MSR1: variants seen among roughly 807,000 people sequenced by gnomAD.
MSR1 encodes the protein macrophage scavenger receptor 1, also known as macrophage scavenger receptor types I and II.
In MSR1, 53 loss-of-function variants were observed where a neutral mutation model predicts 47.2. The ratio of observed to expected loss-of-function variants is 1.12; its 90% CI spans 0.90 to 1.41. The LOEUF (loss-of-function observed/expected upper bound fraction) is 1.41. Ranked by LOEUF, MSR1 falls within the 40% of genes most tolerant of loss-of-function variation. The pLI is 0.00. For missense variants in MSR1, 786 were observed against 546.9 expected, an observed-to-expected ratio of 1.44 and a Z score of -4.36; for synonymous variants, 239 against 185.6, an observed-to-expected ratio of 1.29 and a Z score of -2.34.
chr8:16,123,222 TA>T (rs1800046928), intron 8 of MSR1, among the ~76,000 whole-genome samples: 1 of 152,148 alleles, frequency 6.6e-6, no homozygotes, highest in Admixed American at 6.6e-5. Flanking sequence ...TTTTCAGTTA[TA>T]AATAAACTAT....
rs1005723604 is a variant in MSR1, at chr8:16,108,391, C to T, written c.*1694G>A. On this transcript the variant is annotated 3_prime_UTR_variant, in exon 10 of 10. Coordinates refer to ENST00000262101, the MANE Select transcript of MSR1 (RefSeq NM_138715.3). ...CTGATTTCAGACATCCCATGCATACCACTTACGCATAAGTAGTAAATCAGC... is the reference window on the plus strand; with the variant it reads ...CTGATTTCAGACATCCCATGCATACTACTTACGCATAAGTAGTAAATCAGC... The T allele has an allele frequency of 1.9e-4, 29 of 150,562 alleles. No individual in the cohort carries two copies. Among genetic ancestry groups the T allele is most frequent in the Non-Finnish European group, 1.3e-4 (9 of 67,686 alleles). The allele number at this position is 150,562 out of a possible 1,614,324, so 9.3% of individuals were successfully genotyped here. A position where few individuals can be genotyped will look rare whatever the true frequency, so the allele number is the denominator to read the frequency against.
At chr8:16,112,356 G>C (rs351545) in intron 9 of MSR1, among the ~76,000 whole-genome samples, 6,303 of 152,154 alleles carry the variant, frequency 0.041, 425 homozygotes, top group African/African-American at 0.14. Context: ...GACTGAGAAA[G>C]GGTGTATGAC....
intron 5 of MSR1, among the ~76,000 whole-genome samples, chr8:16,159,586 C>T (rs1435905075): frequency 6.6e-6 from 1 of 151,924 alleles, no homozygotes; most frequent in Non-Finnish European, 1.5e-5. Flanking sequence ...TCATTAATTT[C>T]TAAAATATGG....
At chr8:16,131,139 C>G (rs1425513821) in intron 8 of MSR1, among the ~76,000 whole-genome samples, 1 of 152,134 alleles carries the variant, frequency 6.6e-6, no homozygotes, top group Non-Finnish European at 1.5e-5. Flanking sequence ...CTCGTCACCA[C>G]AGCATCTGTA....
chr8:16,192,146 C>T (rs966633007), intron 1 of MSR1, among the ~76,000 whole-genome samples: 1 of 151,862 alleles, frequency 6.6e-6, no homozygotes, highest in African/African-American at 2.4e-5. Context: ...AGATACCCAG[C>T]CAATATTTGC....
chr8:16,129,835 C>T (rs1420190706), intron 8 of MSR1, among the ~76,000 whole-genome samples: 2 of 152,146 alleles, frequency 1.3e-5, no homozygotes, highest in African/African-American at 4.8e-5. Context: ...GGCTGTGAGC[C>T]CATACAAGTC....
intron 8 of MSR1, among the ~76,000 whole-genome samples, chr8:16,123,113 G>A (rs975661232): frequency 6.6e-6 from 1 of 152,040 alleles, no homozygotes; most frequent in African/African-American, 2.4e-5. Flanking sequence ...CCAAAGTGCT[G>A]GGATTACAGG....
intron 1 of MSR1, 126 bp downstream of exon 1, chr8:16,192,472 T>TAC (rs1802226138): frequency 6.6e-6 from 1 of 151,992 alleles, no homozygotes; most frequent in Non-Finnish European, 1.5e-5. Context: ...CATCTCATCA[T>TAC]ACACACACAG....
chr8:16,129,222 G>T (rs185376628), intron 8 of MSR1, among the ~76,000 whole-genome samples: 1 of 152,088 alleles, frequency 6.6e-6, no homozygotes, highest in Non-Finnish European at 1.5e-5. Context: ...GGGTCATTTT[G>T]CTAAATAATT....
At chr8:16,120,072 A>AT (rs1357894829) in intron 9 of MSR1, among the ~76,000 whole-genome samples, 2 of 151,462 alleles carry the variant, frequency 1.3e-5, no homozygotes, top group East Asian at 1.9e-4. Flanking sequence ...CCTACATTTC[A>AT]TTTTTTTAAA....
intron 6 of MSR1, 44 bp downstream of exon 6, chr8:16,155,020 A>G (rs1169175181): frequency 6.7e-7 from 1 of 1,491,462 alleles, no homozygotes; most frequent in African/African-American, 1.4e-5. Flanking sequence ...GATGTATATC[A>G]TCTATCTTCA....
At chr8:16,163,348 C>A (rs1210441279) in intron 5 of MSR1, among the ~76,000 whole-genome samples, 1 of 151,088 alleles carries the variant, frequency 6.6e-6, no homozygotes, top group South Asian at 2.1e-4. Flanking sequence ...AAGAGACTAA[C>A]CTAAAACAAA....
At chr8:16,112,306 A>G (rs746583890) in intron 9 of MSR1, among the ~76,000 whole-genome samples, 1 of 152,166 alleles carries the variant, frequency 6.6e-6, no homozygotes, top group African/African-American at 2.4e-5. Context: ...ACCTTGTTAA[A>G]TAATGATAAT....
intron 8 of MSR1, chr8:16,120,905 T>C (rs1483539697): frequency 2.0e-5 from 8 of 405,426 alleles, no homozygotes; most frequent in Non-Finnish European, 3.1e-5. Flanking sequence ...TTTTGACAGA[T>C]ACAAGTTTAT....
At chr8:16,124,050 C>A (rs1233678435) in intron 8 of MSR1, among the ~76,000 whole-genome samples, 3 of 152,140 alleles carry the variant, frequency 2.0e-5, no homozygotes, top group Non-Finnish European at 4.4e-5. Flanking sequence ...CAGTGACAGA[C>A]TGACAGTTCT....
intron 4 of MSR1, among the ~76,000 whole-genome samples, chr8:16,167,235 G>A (rs1801338489): frequency 6.6e-6 from 1 of 152,024 alleles, no homozygotes; most frequent in African/African-American, 2.4e-5. Flanking sequence ...AATTCCTCAT[G>A]TTTGGGTTCA....
chr8:16,136,115 G>A (rs377658656), intron 8 of MSR1, among the ~76,000 whole-genome samples: 1 of 152,180 alleles, frequency 6.6e-6, no homozygotes, highest in East Asian at 1.9e-4. Context: ...AGCAGAGTAT[G>A]AGAAGACTGA....
rs1799686359 is a variant in MSR1 at position 16,108,575 on chromosome 8, A to C, written c.*1510T>G. ...TGGAACTGAACACAAAGAATTATTA[A>C]CTAGCTGAAATTACAGCCAGGGTTT... is the stretch of plus-strand genomic sequence containing the variant. On this transcript the variant is annotated 3_prime_UTR_variant, in exon 10 of 10. Coordinates refer to ENST00000262101, the MANE Select transcript of MSR1 (RefSeq NM_138715.3). 1 of 152,160 alleles carries C rather than the reference A, an allele frequency of 6.6e-6. No individual in the cohort carries two copies. Among genetic ancestry groups the C allele is most frequent in the South Asian group, 2.1e-4 (1 of 4,832 alleles). 9.4% of individuals were successfully genotyped at this position (152,160 alleles called of 1,614,324 possible).
intron 3 of MSR1, among the ~76,000 whole-genome samples, chr8:16,169,438 G>A (rs1324718029): frequency 2.0e-5 from 3 of 152,108 alleles, no homozygotes; most frequent in Non-Finnish European, 4.4e-5. Context: ...ATTCACAGTT[G>A]GTGGAGCAGG....
Sources: allele counts gnomAD v4.1 joint callset (sites outside exome capture counted in the v4.1 genomes callset), GRCh38; gene constraint gnomAD v4.1.1; transcripts MANE v1.5; gene names NCBI Gene and HGNC (gene_info 2026-07-23, HGNC 2026-07-21).